The following DNAH10 variants were observed in gnomAD, a reference collection of about 807,000 sequenced individuals.
The protein encoded by DNAH10 is axonemal beta dynein heavy chain 10.
In DNAH10, 348 loss-of-function variants were observed where a neutral mutation model predicts 506.6. The observed-to-expected ratio is 0.69, with a 90% CI of 0.63 to 0.75. The LOEUF (loss-of-function observed/expected upper bound fraction) is 0.75, where lower values mean the gene tolerates loss of function less well. Ranked by LOEUF, DNAH10 falls within the 30% of genes least tolerant of loss-of-function variation. DNAH10 has a pLI of 0.00. For synonymous variants in DNAH10, 2,059 were observed against 2,198.6 expected (o/e 0.94, Z 1.78); for missense variants, 5,179 against 5,787.1 (o/e 0.89, Z 3.41).
chr12:123,933,455 T>A lies in DNAH10; in HGVS notation c.13421T>A (p.Phe4474Tyr). The A allele has an allele frequency of 6.2e-7, 1 of 1,612,632 alleles. No homozygotes were observed. Among genetic ancestry groups the A allele is most frequent in the Non-Finnish European group, 8.5e-7 (1 of 1,179,572 alleles). The part of the protein sequence containing the change: ...NGWPLDRSTL[F>Y]TQVTKFQDAD... ...TGGCCACTGGACCGCTCCACCTTGT[T>A]CACACAAGTGACCAAGTTCCAGGAT... The change falls in exon 77 of 79, where the codon TTC becomes TAC. Residue 4474 changes from phenylalanine (F) to tyrosine (Y), a missense_variant. By Grantham distance (22) the Phe-to-Tyr change is conservative (BLOSUM62 3). Coordinates refer to ENST00000673944, the MANE Select transcript of DNAH10 (RefSeq NM_001372106.1).
chr12:123,766,427 TA>T (rs1482202141), intron 1 of DNAH10, among the ~76,000 whole-genome samples: 1 of 152,202 alleles, frequency 6.6e-6, no homozygotes, highest in Non-Finnish European at 1.5e-5. Flanking sequence ...ATACTATATA[TA>T]CATATTATTT....
chr12:123,893,233 G>A lies in DNAH10; in HGVS notation c.8996G>A (p.Gly2999Glu). Reference protein sequence around the residue: ...LELINNMLTSGIVPALFSEEE... With the variant: ...LELINNMLTSEIVPALFSEEE... ...TCACCAGCATGTCTTCCTTTTCCAG[G>A]AATTGTACCTGCGCTTTTTTCTGAA... is the stretch of plus-strand genomic sequence containing the variant. The change falls in exon 53 of 79, where the codon GGA (glycine) becomes GAA (glutamate). Residue 2999 changes from glycine (G) to glutamate (E), a missense_variant and splice_region_variant. Physicochemically the swap from Gly to Glu is moderately conservative, Grantham distance 98. Transcript: ENST00000673944. The A allele has an allele frequency of 6.2e-7, 1 of 1,613,870 alleles. No individual in the cohort carries two copies. The highest frequency in any genetic ancestry group is 1.7e-5 in the Admixed American group (1 of 59,996).
chr12:123,893,198 C>T (rs1194028483), intron 52 of DNAH10, 35 bp from the exon 53 acceptor site: 1 of 1,602,998 alleles, frequency 6.2e-7, no homozygotes. Flanking sequence ...GACCCTGGGA[C>T]TCAGAGAGAT....
chr12:123,778,121 T>C (rs1462982409), intron 5 of DNAH10, among the ~76,000 whole-genome samples: 1 of 152,088 alleles, frequency 6.6e-6, no homozygotes, highest in Non-Finnish European at 1.5e-5. Context: ...GAGGATCGCT[T>C]GAACCCAGGA....
chr12:123,775,139 A>T (rs1310499613), intron 5 of DNAH10, among the ~76,000 whole-genome samples: 1 of 152,118 alleles, frequency 6.6e-6, no homozygotes, highest in Non-Finnish European at 1.5e-5. Flanking sequence ...GTTTTTCGAG[A>T]CAGGGTCTCT....
intron 6 of DNAH10, among the ~76,000 whole-genome samples, 183 bp from the exon 7 acceptor site, chr12:123,782,924 A>G (rs1243767166): frequency 6.6e-6 from 1 of 152,228 alleles, no homozygotes; most frequent in African/African-American, 2.4e-5. Flanking sequence ...ACAATTATCT[A>G]AAATGTTTGA....
At position 123,853,798 on chromosome 12, in the gene DNAH10, G is replaced by A. The variant is rs1274562445; in HGVS notation, c.6438+446G>A. ...AGGCTTACCTGTTTCTCTAGTGACT[G>A]TACTCAATGTTGCACGCACACACGC... On this transcript the variant is annotated intron_variant, in intron 36 of 78. Transcript: ENST00000673944. The surrounding 1 kb of genome is among the most constrained non-coding windows in gnomAD (Gnocchi z 4.7). 6.6e-6 allele frequency among the ~76,000 whole-genome samples: 1 copy of A among 152,118 alleles called. No individual in the cohort carries two copies. Among genetic ancestry groups the A allele is most frequent in the Non-Finnish European group, 1.5e-5 (1 of 68,024 alleles).
At chr12:123,801,023 A>T (rs1396225819) in intron 15 of DNAH10, among the ~76,000 whole-genome samples, 1 of 152,270 alleles carries the variant, frequency 6.6e-6, no homozygotes, top group Non-Finnish European at 1.5e-5. Flanking sequence ...TCTCAAAAAA[A>T]AAAAGAAAAG....
At chr12:123,872,924 G>C (rs1003181309) in intron 45 of DNAH10, among the ~76,000 whole-genome samples, 1 of 152,222 alleles carries the variant, frequency 6.6e-6, no homozygotes, top group Non-Finnish European at 1.5e-5. Flanking sequence ...TGCATAATTA[G>C]TTAAGTGTGA....
Position 123,853,897 on chromosome 12 carries a change from C to T in DNAH10, c.6438+545C>T, listed in dbSNP as rs917201295. ...GGATACATGCACGCGCACACACGTACGCACGCACATGTACACATACGCACA... is the reference window on the plus strand; with the variant it reads ...GGATACATGCACGCGCACACACGTATGCACGCACATGTACACATACGCACA... On this transcript the variant is annotated intron_variant, in intron 36 of 78. Coordinates refer to ENST00000673944, the MANE Select transcript of DNAH10 (RefSeq NM_001372106.1). This position sits in a 1 kb window ranked among gnomAD's most constrained non-coding sequence, Gnocchi z 4.7. 1.3e-5 allele frequency among the ~76,000 whole-genome samples: 2 copies of T among 148,960 alleles called. No homozygotes were observed. Among genetic ancestry groups the T allele is most frequent in the Admixed American group, 6.7e-5 (1 of 14,934 alleles).
intron 51 of DNAH10, among the ~76,000 whole-genome samples, chr12:123,884,864 C>T (rs1226167478): frequency 6.6e-6 from 1 of 152,196 alleles, no homozygotes; most frequent in Non-Finnish European, 1.5e-5. Context: ...GTAATTTCAT[C>T]ACCTAAAGAT....
intron 41 of DNAH10, 86 bp from the exon 42 acceptor site, chr12:123,867,381 C>A: frequency 1.4e-6 from 2 of 1,441,574 alleles, no homozygotes; most frequent in Non-Finnish European, 9.3e-7. Context: ...TGTTGCTCAA[C>A]CCTCTTTGGG....
Position 123,845,678 on chromosome 12 carries a change from C to G in DNAH10, c.5439C>G (p.Asp1813Glu). ...SQVWWTWEVE[D>E]VFHKAQKGEK... ...TGTGGTGGACCTGGGAGGTGGAAGA[C>G]GTCTTCCACAAAGCGCAAAAAGGGG... Residue 1813 changes from aspartate (D) to glutamate (E), a missense_variant, in exon 31 of 79, where the codon GAC becomes GAG. By Grantham distance (45) the Asp-to-Glu change is conservative (BLOSUM62 2). Transcript: ENST00000673944. 6.2e-7 allele frequency: 1 copy of G among 1,613,650 alleles called. No individual in the cohort carries two copies. The highest frequency in any genetic ancestry group is 8.5e-7 in the Non-Finnish European group (1 of 1,179,832).
intron 56 of DNAH10, 70 bp downstream of exon 56, chr12:123,898,884 GGCC>G: frequency 6.7e-7 from 1 of 1,490,450 alleles, no homozygotes; most frequent in Non-Finnish European, 8.9e-7. Flanking sequence ...GTGAGGGCGG[GGCC>G]AGGGCAGCCC....
Position 123,918,660 on chromosome 12 carries a change from C to T in DNAH10, c.11233-16C>T, listed in dbSNP as rs1287454638. The T allele has an allele frequency of 6.5e-7, 1 of 1,538,180 alleles. No individual in the cohort carries two copies. The highest frequency in any genetic ancestry group is 2.0e-5 in the Admixed American group (1 of 50,476). Reference sequence around the variant, plus strand: ...TCAGTCTTCCTGTTTCCAGGGTCACCTGTGCTTTTCTTCAGGTCTCAGAGA... The same window carrying T: ...TCAGTCTTCCTGTTTCCAGGGTCACTTGTGCTTTTCTTCAGGTCTCAGAGA... On this transcript the variant is annotated splice_polypyrimidine_tract_variant and intron_variant, in intron 64 of 78. Coordinates refer to ENST00000673944, the MANE Select transcript of DNAH10 (RefSeq NM_001372106.1).
Position 123,928,497 on chromosome 12 carries a change from G to A in DNAH10, c.12216G>A (p.Arg4072=). 1 of 1,611,476 alleles carries A rather than the reference G, an allele frequency of 6.2e-7. No homozygotes were observed. Among genetic ancestry groups the A allele is most frequent in the Non-Finnish European group, 8.5e-7 (1 of 1,178,924 alleles). The change falls in exon 70 of 79, where the codon AGG becomes AGA. Residue 4072 remains arginine, a synonymous_variant. Transcript: ENST00000673944. The surrounding 1 kb of genome is among the most constrained non-coding windows in gnomAD (Gnocchi z 4.9). ...WLKDLEKSLE[R]ITKPHPDFRL... is the part of the protein sequence containing the mutation. Reference sequence around the variant, plus strand: ...AAGATCTGGAGAAGTCCCTGGAGAGGATCACCAAGCCCCACCCAGACTTCC... The same window carrying A: ...AAGATCTGGAGAAGTCCCTGGAGAGAATCACCAAGCCCCACCCAGACTTCC...
At chr12:123,858,315 G>C (rs1951478961) in intron 37 of DNAH10, among the ~76,000 whole-genome samples, 1 of 152,190 alleles carries the variant, frequency 6.6e-6, no homozygotes, top group Non-Finnish European at 1.5e-5. Context: ...AGAGCCTCCA[G>C]ACCTGGGGGG....
intron 52 of DNAH10, among the ~76,000 whole-genome samples, chr12:123,887,744 T>A (rs1206959965): frequency 6.6e-6 from 1 of 151,924 alleles, no homozygotes; most frequent in East Asian, 1.9e-4. Flanking sequence ...TTACAAATTT[T>A]TTTTTTCTTT....
At chr12:123,888,518 C>T (rs1273736088) in intron 52 of DNAH10, among the ~76,000 whole-genome samples, 1 of 152,056 alleles carries the variant, frequency 6.6e-6, no homozygotes, top group Admixed American at 6.5e-5. Flanking sequence ...GAATAAGGTC[C>T]CATAAAGATT....
Sources: gnomAD v4.1 joint callset for allele counts (sites outside exome capture counted in the v4.1 genomes callset) on GRCh38, gnomAD v4.1.1 for gene constraint, Gnocchi (gnomAD v3.1) non-coding constraint, MANE v1.5 for transcripts, NCBI Gene and HGNC (gene_info 2026-07-23, HGNC 2026-07-21) for gene names.